Variants in RARB observed in about 807,000 individuals in gnomAD.
The protein encoded by RARB is HBV-activated protein.
RARB carries 17 observed loss-of-function variants against 51.9 expected under a neutral mutation model. That is an observed-to-expected ratio of 0.33 (90% CI 0.22 to 0.49). The LOEUF is 0.49. Ranked by LOEUF, RARB falls within the 20% of genes least tolerant of loss-of-function variation. The pLI is 0.99. For synonymous variants in RARB, 215 were observed against 195.4 expected, an observed-to-expected ratio of 1.10 and a Z score of -0.84; for missense variants, 369 against 550.8, an observed-to-expected ratio of 0.67 and a Z score of 3.30.
intron 3 of RARB, among the ~76,000 whole-genome samples, chr3:25,535,475 T>A (rs1298471451): frequency 1.3e-5 from 2 of 151,516 alleles, no homozygotes; most frequent in Non-Finnish European, 2.9e-5. Context: ...GTTTGTTACA[T>A]AGGTATACAC....
chr3:25,090,146 G>A (rs1371402203), intron 3 of RARB, among the ~76,000 whole-genome samples: 1 of 152,132 alleles, frequency 6.6e-6, no homozygotes, highest in Admixed American at 6.6e-5. Context: ...CCTTGAAGGA[G>A]GTGAGAGACA....
chr3:25,346,029 C>A, intron 5 of RARB: 1 of 292,552 alleles, frequency 3.4e-6, no homozygotes, highest in Non-Finnish European at 5.1e-6. Context: ...GACTGATCGC[C>A]GCTGGGTTCA....
chr3:25,085,675 T>G (rs1699092167), intron 3 of RARB, among the ~76,000 whole-genome samples: 1 of 152,208 alleles, frequency 6.6e-6, no homozygotes, highest in Admixed American at 6.5e-5. Context: ...GTTCAGTGCC[T>G]GCCCAAATGA....
At chr3:25,556,931 T>A (rs1700084310) in intron 3 of RARB, among the ~76,000 whole-genome samples, 1 of 152,236 alleles carries the variant, frequency 6.6e-6, no homozygotes, top group South Asian at 2.1e-4. Context: ...CATCTTTGCA[T>A]TTCAAAGCCA....
chr3:24,980,849 G>C (rs1249762454), intron 2 of RARB, among the ~76,000 whole-genome samples: 1 of 152,088 alleles, frequency 6.6e-6, no homozygotes, highest in Non-Finnish European at 1.5e-5. Context: ...GAGGCATTCA[G>C]GTTTTTGGAA....
At chr3:25,200,505 G>A (rs1450198616) in intron 5 of RARB, among the ~76,000 whole-genome samples, 2 of 152,122 alleles carry the variant, frequency 1.3e-5, no homozygotes, top group Non-Finnish European at 2.9e-5. Flanking sequence ...TTTTAGACAT[G>A]AAGTCCTTGC....
intron 2 of RARB, among the ~76,000 whole-genome samples, chr3:25,002,723 CACAT>C (rs1264507230): frequency 1.4e-5 from 2 of 143,596 alleles, no homozygotes; most frequent in African/African-American, 5.3e-5. Flanking sequence ...ATATATGTGT[CACAT>C]ATGTATATAA....
intron 3 of RARB, among the ~76,000 whole-genome samples, chr3:25,516,382 A>T (rs1377563333): frequency 6.6e-6 from 1 of 152,230 alleles, no homozygotes; most frequent in East Asian, 1.9e-4. Context: ...TTATGAACTT[A>T]TGTGGATTCC....
chr3:25,294,395 A>G (rs1703866045), intron 5 of RARB, among the ~76,000 whole-genome samples: 1 of 152,206 alleles, frequency 6.6e-6, no homozygotes, highest in Non-Finnish European at 1.5e-5. Context: ...GTCAGCATCC[A>G]ATAAGGAAAA....
At chr3:25,321,230 T>C (rs1206672323) in intron 5 of RARB, among the ~76,000 whole-genome samples, 1 of 152,136 alleles carries the variant, frequency 6.6e-6, no homozygotes, top group Non-Finnish European at 1.5e-5. Context: ...ATTCAGACTT[T>C]GGGAACTTGA....
chr3:25,460,428 TTTTATTTATTTATTTATTTA>T (rs58159674), intron 1 of RARB, among the ~76,000 whole-genome samples: 1 of 145,582 alleles, frequency 6.9e-6, no homozygotes, highest in Non-Finnish European at 1.5e-5. Context: ...ATTTTAAAAT[TTTTATTTATTTATTTATTTA>T]TTTATTTATT....
intron 3 of RARB, among the ~76,000 whole-genome samples, chr3:25,541,100 C>T (rs182149005): frequency 2.0e-5 from 3 of 152,300 alleles, no homozygotes; most frequent in Non-Finnish European, 1.5e-5. Flanking sequence ...TTCATTTATA[C>T]TCATTGTCTA....
At chr3:25,520,164 A>G (rs1345313575) in intron 3 of RARB, among the ~76,000 whole-genome samples, 1 of 152,208 alleles carries the variant, frequency 6.6e-6, no homozygotes, top group African/African-American at 2.4e-5. Flanking sequence ...AATATCTACT[A>G]TCTGGCCCTT....
At chr3:25,016,390 C>G (rs4447721) in intron 2 of RARB, among the ~76,000 whole-genome samples, 127,954 of 152,148 alleles carry the variant, frequency 0.84, 54,448 homozygotes, top group East Asian at 1. Flanking sequence ...ATGTTCAGCA[C>G]CATCGCTGGC....
intron 5 of RARB, among the ~76,000 whole-genome samples, chr3:25,250,366 T>C (rs1702682001): frequency 6.6e-6 from 1 of 152,126 alleles, no homozygotes; most frequent in Non-Finnish European, 1.5e-5. Flanking sequence ...GGACCCCAGA[T>C]GAATGCTTGG....
intron 5 of RARB, among the ~76,000 whole-genome samples, chr3:25,286,083 CTTTTTTTTTTTTTT>C (rs33947703): frequency 0.018 from 1,365 of 76,572 alleles, 27 homozygotes; most frequent in African/African-American, 0.072. Context: ...TGATCTTTCT[CTTTTTTTTTTTTTT>C]TTTTTTTTTT....
chr3:25,468,891 A>G (rs1057331864), intron 2 of RARB, among the ~76,000 whole-genome samples: 5 of 152,164 alleles, frequency 3.3e-5, no homozygotes, highest in Non-Finnish European at 7.4e-5. Flanking sequence ...CCCTAAGCCA[A>G]CCTTTGGGGG....
chr3:25,072,972 A>G (rs1190971831), intron 3 of RARB, among the ~76,000 whole-genome samples: 1 of 152,108 alleles, frequency 6.6e-6, no homozygotes, highest in Non-Finnish European at 1.5e-5. Context: ...TGCTGGGATT[A>G]CAGGTGTGAG....
chr3:25,004,370 T>C (rs576141075), intron 2 of RARB, among the ~76,000 whole-genome samples: 69 of 152,282 alleles, frequency 4.5e-4, no homozygotes, highest in Non-Finnish European at 7.6e-4. Context: ...TAATTTATAT[T>C]AAACAGATTC....
Sources: gnomAD v4.1 joint callset for allele counts (sites outside exome capture counted in the v4.1 genomes callset) on GRCh38, gnomAD v4.1.1 for gene constraint, MANE v1.5 for transcripts, NCBI Gene and HGNC (gene_info 2026-07-23, HGNC 2026-07-21) for gene names.